Variants in MAGI1 observed in about 807,000 individuals in gnomAD.
MAGI1 encodes membrane associated guanylate kinase, WW and PDZ domain containing 1.
MAGI1 carries 58 observed loss-of-function variants against 139.9 expected under a neutral mutation model. The ratio of observed to expected loss-of-function variants is 0.41; its 90% CI spans 0.34 to 0.52. The LOEUF (loss-of-function observed/expected upper bound fraction) is 0.52. Among genes scored for constraint, MAGI1 ranks in the 20% least tolerant of loss-of-function variants. The pLI, the probability that MAGI1 is intolerant of heterozygous loss-of-function variation, is 0.12. For missense variants in MAGI1, 1,874 were observed against 1,901.6 expected, an observed-to-expected ratio of 0.99 and a Z score of 0.27; for synonymous variants, 812 against 737.9, an observed-to-expected ratio of 1.10 and a Z score of -1.63.
chr3:65,379,237 G>A (rs778589841), intron 17 of MAGI1, 24 bp downstream of exon 17: 10 of 1,609,022 alleles, frequency 6.2e-6, no homozygotes, highest in Non-Finnish European at 8.5e-6. Context: ...GGAAACCCTG[G>A]GTAATTTCAC....
intron 1 of MAGI1, among the ~76,000 whole-genome samples, chr3:65,810,160 T>C (rs561796593): frequency 6.6e-6 from 1 of 152,246 alleles, no homozygotes; most frequent in Admixed American, 6.5e-5. Flanking sequence ...TTTCACATAT[T>C]AGGTAAAGCC....
chr3:66,013,247 T>C (rs540996099), intron 1 of MAGI1, among the ~76,000 whole-genome samples: 4 of 150,752 alleles, frequency 2.7e-5, no homozygotes, highest in Non-Finnish European at 5.9e-5. Flanking sequence ...CTACTAAAAA[T>C]ACAAAATTAG....
chr3:65,362,496 G>A (rs990628313), intron 21 of MAGI1, among the ~76,000 whole-genome samples: 7 of 151,634 alleles, frequency 4.6e-5, no homozygotes, highest in Admixed American at 6.6e-5. Flanking sequence ...AGAGAAACTG[G>A]TATACTGTTT....
chr3:65,359,826 T>A (rs1020360422), intron 22 of MAGI1: 1 of 985,538 alleles, frequency 1.0e-6, no homozygotes, highest in Admixed American at 6.1e-5. Flanking sequence ...AGACATAGGT[T>A]TTGAGAAGGT....
At chr3:65,649,440 G>A (rs544298720) in intron 1 of MAGI1, among the ~76,000 whole-genome samples, 1 of 152,220 alleles carries the variant, frequency 6.6e-6, no homozygotes, top group African/African-American at 2.4e-5. Context: ...TCTAGGCAAA[G>A]TTTTCTCACA....
intron 1 of MAGI1, among the ~76,000 whole-genome samples, chr3:65,884,376 G>A (rs2060450510): frequency 1.3e-5 from 2 of 152,322 alleles, no homozygotes; most frequent in East Asian, 1.9e-4. Context: ...GTGGAAGAAC[G>A]AAGGGAGAAC....
At chr3:65,586,927 A>G (rs1177510814) in intron 2 of MAGI1, among the ~76,000 whole-genome samples, 1 of 152,182 alleles carries the variant, frequency 6.6e-6, no homozygotes, top group East Asian at 1.9e-4. Context: ...ACAAAAGCTG[A>G]TGCACAGTTT....
intron 21 of MAGI1, among the ~76,000 whole-genome samples, chr3:65,361,988 A>C (rs1052798691): frequency 6.6e-6 from 1 of 152,238 alleles, no homozygotes; most frequent in Non-Finnish European, 1.5e-5. Context: ...TGTGTCAGCC[A>C]CTATTTTAGA....
chr3:65,610,481 C>T (rs1021657272), intron 2 of MAGI1, among the ~76,000 whole-genome samples: 1 of 151,922 alleles, frequency 6.6e-6, no homozygotes, highest in Non-Finnish European at 1.5e-5. Context: ...ACCTACAACT[C>T]AGGCAGCTAT....
chr3:65,896,121 T>C (rs968853028), intron 1 of MAGI1, among the ~76,000 whole-genome samples: 1 of 152,124 alleles, frequency 6.6e-6, no homozygotes, highest in African/African-American at 2.4e-5. Context: ...CTCCACCCAC[T>C]GCGGTATTTT....
rs1940211811 is a variant in MAGI1, at chr3:65,356,623, T to G, written c.4144A>C (p.Arg1382=). The G allele has an allele frequency of 6.3e-7, 1 of 1,590,668 alleles. No individual in the cohort carries two copies. Among genetic ancestry groups the G allele is most frequent in the Non-Finnish European group, 8.5e-7 (1 of 1,171,042 alleles). Residue 1382 remains arginine, a synonymous_variant, in exon 23 of 23, where the codon AGG becomes CGG. Coordinates refer to ENST00000402939, the MANE Select transcript of MAGI1 (RefSeq NM_001033057.2). ...RSLERLLEQR[R]SPERRRGGSP... ...CCCCCTCTCCTGCGCTCGGGGGACC[T>G]CCTCTGCTCCAGGAGTCTCTCCAGA...
intron 2 of MAGI1, among the ~76,000 whole-genome samples, chr3:65,502,951 A>T (rs2077141356): frequency 6.6e-6 from 1 of 152,136 alleles, no homozygotes; most frequent in African/African-American, 2.4e-5. Context: ...GAGAGGGGGT[A>T]AAAATCCATG....
At chr3:65,869,866 A>C (rs558257659) in intron 1 of MAGI1, among the ~76,000 whole-genome samples, 1 of 152,158 alleles carries the variant, frequency 6.6e-6, no homozygotes, top group Non-Finnish European at 1.5e-5. Flanking sequence ...TGCTTATTTC[A>C]TGAGAATGAG....
At chr3:66,036,389 A>T (rs1462974880) in intron 1 of MAGI1, among the ~76,000 whole-genome samples, 1 of 152,106 alleles carries the variant, frequency 6.6e-6, no homozygotes, top group African/African-American at 2.4e-5. Context: ...ATGAGGCACA[A>T]TCTCTCCCTT....
intron 2 of MAGI1, among the ~76,000 whole-genome samples, chr3:65,531,015 G>A (rs2107847734): frequency 6.6e-6 from 1 of 151,592 alleles, no homozygotes; most frequent in East Asian, 1.9e-4. Flanking sequence ...CTTTGAAGTT[G>A]CTATGAGAAT....
chr3:65,672,668 T>C (rs1232087206), intron 1 of MAGI1, among the ~76,000 whole-genome samples: 3 of 152,142 alleles, frequency 2.0e-5, no homozygotes, highest in African/African-American at 7.2e-5. Context: ...GAAACCACAA[T>C]AGAATTCTGC....
At chr3:65,734,362 A>G (rs566246170) in intron 1 of MAGI1, among the ~76,000 whole-genome samples, 30 of 151,792 alleles carry the variant, frequency 2.0e-4, no homozygotes, top group Middle Eastern at 6.8e-3. Context: ...TTGGAGACTG[A>G]GGCAGGAGGA....
intron 1 of MAGI1, among the ~76,000 whole-genome samples, chr3:65,850,794 C>T (rs552238785): frequency 6.6e-6 from 1 of 152,108 alleles, no homozygotes; most frequent in African/African-American, 2.4e-5. Context: ...AGGCCCCAGT[C>T]AGGCTACCTT....
rs1948793134 is a variant in MAGI1, at chr3:65,448,215, T to C, written c.1043-158A>G. 4.6e-5 allele frequency: 32 copies of C among 689,274 alleles called. No individual in the cohort carries two copies. In the South Asian group the frequency reaches 5.2e-4, roughly 11 times the overall value. The allele number at this position is 689,274 out of a possible 1,614,324, so 42.7% of individuals were successfully genotyped here. A position where few individuals can be genotyped will look rare whatever the true frequency, so the allele number is the denominator to read the frequency against. On this transcript the variant is annotated intron_variant, in intron 6 of 22. Transcript: ENST00000402939. ...TGGCTTATTTCATTGGCTTGGATAGTAAACTTGCGACCTCAGTGTAAATCA... is the reference window on the plus strand; with the variant it reads ...TGGCTTATTTCATTGGCTTGGATAGCAAACTTGCGACCTCAGTGTAAATCA...
Sources: gnomAD v4.1 joint callset for allele counts (sites outside exome capture counted in the v4.1 genomes callset) on GRCh38, gnomAD v4.1.1 for gene constraint, MANE v1.5 for transcripts, NCBI Gene and HGNC (gene_info 2026-07-23, HGNC 2026-07-21) for gene names.